The following RTL4 variants were observed in gnomAD, a reference collection of about 807,000 sequenced individuals.
The protein encoded by RTL4 is retrotransposon Gag like 4.
RTL4 carries 4 observed loss-of-function variants against 5.3 expected under a neutral mutation model. That is an observed-to-expected ratio of 0.75 (90% CI 0.37 to 1.72). The LOEUF (loss-of-function observed/expected upper bound fraction) is 1.72. Ranked by LOEUF, RTL4 falls within the 40% of genes most tolerant of loss-of-function variation. The probability of loss-of-function intolerance (pLI) is 0.04; values close to 1 mark genes in which losing one functional copy is unlikely to be tolerated. For missense variants in RTL4, 260 were observed against 227.1 expected (o/e 1.14, Z -0.93); for synonymous variants, 98 against 87.3 (o/e 1.12, Z -0.68).
At chrX:112,123,117 CATT>C in the RTL4 span, among the ~76,000 whole-genome samples, 1 of 111,571 alleles carries the variant, frequency 9.0e-6, no homozygotes, top group Non-Finnish European at 1.9e-5. Flanking sequence ...CTTTTTCAAA[CATT>C]AGAGCCTGAG....
chrX:112,197,712 G>A, the RTL4 span, among the ~76,000 whole-genome samples: 4 of 111,349 alleles, frequency 3.6e-5, no homozygotes, highest in Non-Finnish European at 7.5e-5. Flanking sequence ...CCGTGTCATT[G>A]CTTGGGTCCC....
the RTL4 span, among the ~76,000 whole-genome samples, chrX:112,372,161 T>C: frequency 9.0e-6 from 1 of 111,531 alleles, no homozygotes; most frequent in Non-Finnish European, 1.9e-5. Context: ...GTAACCACTC[T>C]CCTGACTTCT....
the RTL4 span, among the ~76,000 whole-genome samples, chrX:112,099,195 A>G: frequency 8.9e-6 from 1 of 112,062 alleles, no homozygotes; most frequent in East Asian, 2.8e-4. Context: ...CCAGAAAAAA[A>G]CAAACAACCC....
the RTL4 span, among the ~76,000 whole-genome samples, chrX:112,097,943 A>G: frequency 2.7e-5 from 3 of 111,616 alleles, no homozygotes; most frequent in Admixed American, 9.5e-5. Context: ...AAGATTCTAG[A>G]TTTAAATAAG....
chrX:112,451,508 A>C (rs1015705142), upstream of RTL4, among the ~76,000 whole-genome samples: 1 of 111,835 alleles, frequency 8.9e-6, no homozygotes, highest in African/African-American at 3.2e-5. Context: ...CAAAAAAAAA[A>C]TGTATGGAGA....
chrX:112,227,513 G>A, the RTL4 span, among the ~76,000 whole-genome samples: 29 of 111,250 alleles, frequency 2.6e-4, no homozygotes, highest in African/African-American at 6.2e-4. Context: ...GGGTACTCCC[G>A]GGTCATTGCT....
At chrX:112,435,158 T>A in the RTL4 span, among the ~76,000 whole-genome samples, 2 of 111,426 alleles carry the variant, frequency 1.8e-5, no homozygotes, top group African/African-American at 6.5e-5. Flanking sequence ...AGAATTACAA[T>A]TCAAGGTGAG....
chrX:112,151,114 T>C, the RTL4 span, among the ~76,000 whole-genome samples: 2 of 112,260 alleles, frequency 1.8e-5, no homozygotes, highest in South Asian at 7.4e-4. Flanking sequence ...CCTCCTTTTA[T>C]AACTTTTCCA....
the RTL4 span, among the ~76,000 whole-genome samples, chrX:112,152,738 A>G: frequency 7.1e-5 from 8 of 112,222 alleles, no homozygotes. Flanking sequence ...TTTCTCCACT[A>G]GAGCGCTAGG....
the RTL4 span, among the ~76,000 whole-genome samples, chrX:112,161,824 C>T: frequency 2.3e-3 from 88 of 38,870 alleles, no homozygotes; most frequent in African/African-American, 7.2e-3. Context: ...TTCCTTCCTT[C>T]CTTCCTTCCT....
At chrX:112,109,368 G>T in the RTL4 span, among the ~76,000 whole-genome samples, 2 of 111,640 alleles carry the variant, frequency 1.8e-5, no homozygotes, top group South Asian at 3.8e-4. Flanking sequence ...AAGATTTATT[G>T]TGAAGAGGGA....
chrX:112,189,214 C>A, the RTL4 span, among the ~76,000 whole-genome samples: 1 of 109,860 alleles, frequency 9.1e-6, no homozygotes, highest in Non-Finnish European at 1.9e-5. Flanking sequence ...GGCAACATAG[C>A]GAGACCCCAA....
the RTL4 span, among the ~76,000 whole-genome samples, chrX:112,149,432 A>T: frequency 9.0e-6 from 1 of 111,600 alleles, no homozygotes; most frequent in African/African-American, 3.3e-5. Context: ...CAGAGAAGGG[A>T]TCACTGAGAA....
At chrX:112,274,911 A>T in the RTL4 span, among the ~76,000 whole-genome samples, 1 of 111,859 alleles carries the variant, frequency 8.9e-6, no homozygotes, top group Non-Finnish European at 1.9e-5. Flanking sequence ...GTCATGAGCT[A>T]GACCCTATTC....
chrX:112,211,594 A>G, the RTL4 span, among the ~76,000 whole-genome samples: 1 of 112,153 alleles, frequency 8.9e-6, no homozygotes, highest in African/African-American at 3.2e-5. Context: ...TGTGAACTTT[A>G]CAGATGACTA....
chrX:112,341,040 A>G, the RTL4 span, among the ~76,000 whole-genome samples: 8 of 111,338 alleles, frequency 7.2e-5, no homozygotes, highest in Non-Finnish European at 1.5e-4. Flanking sequence ...TTTGAACACG[A>G]CTAATTAAGC....
the RTL4 span, among the ~76,000 whole-genome samples, chrX:112,208,662 A>G: frequency 2.7e-5 from 3 of 112,140 alleles, no homozygotes; most frequent in East Asian, 8.5e-4. Context: ...AACCTTTTAA[A>G]CTGCTTAAAA....
At chrX:112,255,441 G>A in the RTL4 span, among the ~76,000 whole-genome samples, 1 of 111,808 alleles carries the variant, frequency 8.9e-6, no homozygotes. Context: ...CTAGCTGTAG[G>A]GTTTTCAGTG....
chrX:112,294,695 G>A, the RTL4 span, among the ~76,000 whole-genome samples: 6 of 111,769 alleles, frequency 5.4e-5, no homozygotes, highest in Admixed American at 2.8e-4. Context: ...TTGGCATCTC[G>A]CATCTACTTT....
Sources: allele counts gnomAD v4.1 joint callset (sites outside exome capture counted in the v4.1 genomes callset), GRCh38; gene constraint gnomAD v4.1.1; transcripts MANE v1.5; gene names NCBI Gene and HGNC (gene_info 2026-07-23, HGNC 2026-07-21).